Variants in TJP2 observed in about 807,000 individuals in gnomAD.
TJP2 encodes the protein Friedreich ataxia region gene X104 (tight junction protein ZO-2).
In TJP2, 91 loss-of-function variants were observed where a neutral mutation model predicts 133.1. The observed-to-expected ratio is 0.68, with a 90% CI of 0.58 to 0.81. The LOEUF is 0.81. Among genes scored for constraint, TJP2 ranks in the 40% least tolerant of loss-of-function variants. The pLI is 0.00. For synonymous variants in TJP2, 592 were observed against 583.4 expected (o/e 1.01, Z -0.21); for missense variants, 1,541 against 1,565.6 (o/e 0.98, Z 0.26).
At chr9:69,158,831 G>C (rs1185295675) in intron 2 of TJP2, among the ~76,000 whole-genome samples, 1 of 152,100 alleles carries the variant, frequency 6.6e-6, no homozygotes, top group Non-Finnish European at 1.5e-5. Context: ...CTGGAATGGG[G>C]GGGTTCTTCA....
intron 1 of TJP2, chr9:69,145,827 G>A (rs1564379133): frequency 8.1e-7 from 1 of 1,230,216 alleles, no homozygotes; most frequent in African/African-American, 1.6e-5. Flanking sequence ...TGGGTAAGCA[G>A]AGGAGGCTGG....
chr9:69,200,824 G>T (rs1389476242), intron 1 of TJP2, among the ~76,000 whole-genome samples: 1 of 152,092 alleles, frequency 6.6e-6, no homozygotes, highest in South Asian at 2.1e-4. Flanking sequence ...TGCTGTTCCC[G>T]CAGCAATCTG....
rs1176624123 is a variant in TJP2, at chr9:69,251,382, A to G, written c.3321+18A>G. 1 of 1,607,106 alleles carries G rather than the reference A, an allele frequency of 6.2e-7. No homozygotes were observed. The highest frequency in any genetic ancestry group is 1.7e-5 in the Admixed American group (1 of 59,992). On this transcript the variant is annotated intron_variant, in intron 21 of 22. Coordinates refer to ENST00000377245, the MANE Select transcript of TJP2 (RefSeq NM_004817.4). ...ATGCAAGGGTAATTGTTTTTAAACT[A>G]CACATCATCAATAAGAGTTTTAAAT...
intron 2 of TJP2, among the ~76,000 whole-genome samples, chr9:69,167,438 A>G (rs1824416223): frequency 6.6e-6 from 1 of 152,232 alleles, no homozygotes; most frequent in Non-Finnish European, 1.5e-5. Flanking sequence ...CAGATGCTTT[A>G]TAATGAGCAC....
intron 5 of TJP2, among the ~76,000 whole-genome samples, chr9:69,223,755 C>A (rs1223923144): frequency 1.3e-5 from 2 of 152,226 alleles, no homozygotes; most frequent in Non-Finnish European, 2.9e-5. Context: ...TAGCTTTGCC[C>A]TTCCCTTATT....
chr9:69,200,923 A>G (rs1239452050), intron 1 of TJP2, among the ~76,000 whole-genome samples: 1 of 151,292 alleles, frequency 6.6e-6, no homozygotes, highest in East Asian at 1.9e-4. Flanking sequence ...ATATATATTG[A>G]CTCTTGTCTG....
At chr9:69,203,607 ATT>A (rs754221310) in intron 1 of TJP2, among the ~76,000 whole-genome samples, 29 of 67,838 alleles carry the variant, frequency 4.3e-4, no homozygotes, top group Admixed American at 7.5e-4. Context: ...CCCAGCCTGG[ATT>A]TTTTTTTTTT....
intron 22 of TJP2, chr9:69,253,601 T>C: frequency 5.9e-6 from 1 of 168,358 alleles, no homozygotes; most frequent in Admixed American, 5.6e-5. Flanking sequence ...TACAGGTGTG[T>C]GCCACCATAT....
At chr9:69,230,039 A>C in intron 10 of TJP2, 43 bp from the exon 11 acceptor site, 1 of 1,612,420 alleles carries the variant, frequency 6.2e-7, no homozygotes, top group Non-Finnish European at 8.5e-7. Context: ...CCCTTTTAAA[A>C]AATATCTCCC....
chr9:69,139,735 C>A (rs972285700), intron 1 of TJP2, among the ~76,000 whole-genome samples: 1 of 152,212 alleles, frequency 6.6e-6, no homozygotes, highest in African/African-American at 2.4e-5. Context: ...CACCATCTCC[C>A]ATTGATGAGC....
intron 2 of TJP2, among the ~76,000 whole-genome samples, chr9:69,156,592 C>T (rs1464008484): frequency 4.3e-5 from 6 of 140,402 alleles, no homozygotes; most frequent in African/African-American, 1.6e-4. Flanking sequence ...AGTGCTGTGG[C>T]GCGATCTCCG....
In TJP2 at chr9:69,249,504, C is replaced by A; in HGVS notation, c.2991+19C>A. ...GCCCAAGGTACGTGGCTGGGAAGCC[C>A]AGGATGGGAAGGAAGAGGAAGCAGA... On this transcript the variant is annotated intron_variant, in intron 20 of 22. Coordinates refer to ENST00000377245, the MANE Select transcript of TJP2 (RefSeq NM_004817.4). 6.3e-7 allele frequency: 1 copy of A among 1,587,752 alleles called. No homozygotes were observed. The highest frequency in any genetic ancestry group is 2.3e-5 in the East Asian group (1 of 43,648).
intron 20 of TJP2, 65 bp downstream of exon 20, chr9:69,249,550 C>T (rs1034915300): frequency 4.0e-5 from 62 of 1,554,114 alleles, no homozygotes; most frequent in Middle Eastern, 4.0e-4. Flanking sequence ...GCCTCCTGGA[C>T]GGCCAGGGAG....
At chr9:69,138,133 A>G (rs2133276555) in intron 1 of TJP2, among the ~76,000 whole-genome samples, 1 of 152,280 alleles carries the variant, frequency 6.6e-6, no homozygotes, top group Non-Finnish European at 1.5e-5. Flanking sequence ...AGGCATTACC[A>G]GTTCTCTCAT....
rs999144873 is a variant in TJP2 at position 69,204,801 on chromosome 9, A to T, written c.61-7747A>T. Reference sequence around the variant, plus strand: ...ACTTCTCTAAATATTCTTTTCCATAATGTTGCTCTAAAGTGTCTCATTTAC... The same window carrying T: ...ACTTCTCTAAATATTCTTTTCCATATTGTTGCTCTAAAGTGTCTCATTTAC... On this transcript the variant is annotated intron_variant, in intron 1 of 22. Transcript: ENST00000377245. 7 of 1,051,740 alleles carry T rather than the reference A, an allele frequency of 6.7e-6. No individual in the cohort carries two copies. The African/African-American group carries it at 8.3e-5, about 13-fold the overall frequency. The allele number at this position is 1,051,740 out of a possible 1,614,324, so 65.2% of individuals were successfully genotyped here.
intron 2 of TJP2, among the ~76,000 whole-genome samples, chr9:69,215,974 A>T (rs916477485): frequency 1.8e-4 from 27 of 152,218 alleles, no homozygotes; most frequent in African/African-American, 6.3e-4. Context: ...GTTTTTACTG[A>T]AGTTGTTCCA....
intron 1 of TJP2, chr9:69,205,314 AGT>A: frequency 6.5e-7 from 1 of 1,534,762 alleles, no homozygotes; most frequent in South Asian, 1.2e-5. Context: ...CCATTCTCAC[AGT>A]GAGTCCTTTA....
At chr9:69,213,534 G>A (rs1389617851) in intron 2 of TJP2, among the ~76,000 whole-genome samples, 1 of 152,170 alleles carries the variant, frequency 6.6e-6, no homozygotes, top group Non-Finnish European at 1.5e-5. Context: ...AGAACTGTGA[G>A]CTTCAAGCTT....
chr9:69,127,704 A>G (rs1268378550), intron 1 of TJP2, among the ~76,000 whole-genome samples: 1 of 75,474 alleles, frequency 1.3e-5, no homozygotes, highest in South Asian at 3.8e-4. Context: ...AGATTAGCCT[A>G]TTCTGAACAT....
Sources: allele counts gnomAD v4.1 joint callset (sites outside exome capture counted in the v4.1 genomes callset), GRCh38; gene constraint gnomAD v4.1.1; transcripts MANE v1.5; gene names NCBI Gene and HGNC (gene_info 2026-07-23, HGNC 2026-07-21).